The following ZFP28 variants were observed in gnomAD, a reference collection of about 807,000 sequenced individuals.
ZFP28 encodes ZFP28 zinc finger protein.
ZFP28 carries 31 observed loss-of-function variants against 39.5 expected under a neutral mutation model. The ratio of observed to expected loss-of-function variants is 0.79; its 90% CI spans 0.59 to 1.06. ZFP28 has a LOEUF of 1.06. Ranked by LOEUF, ZFP28 falls within the 50% of genes least tolerant of loss-of-function variation. ZFP28 has a pLI of 0.00. For missense variants in ZFP28, 925 were observed against 1,048.4 expected (o/e 0.88, Z 1.63); for synonymous variants, 400 against 378.6 (o/e 1.06, Z -0.66).
At position 56,554,567 on chromosome 19, in the gene ZFP28, C is replaced by T. The variant is rs61734808; in HGVS notation, c.1782C>T (p.Cys594=). ...SGEKPFKCKE[C]GKAFRQNIHL... ...AAAAGCCTTTTAAGTGTAAAGAGTG[C>T]GGAAAAGCTTTTAGGCAGAATATAC... The change falls in exon 8 of 8, where the codon TGC becomes TGT. Residue 594 remains cysteine (C), a synonymous_variant. Coordinates refer to ENST00000301318, the MANE Select transcript of ZFP28 (RefSeq NM_020828.2). The surrounding 1 kb of genome is among the most constrained non-coding windows in gnomAD (Gnocchi z 6.7). 3,135 of 1,614,038 alleles carry T rather than the reference C, an allele frequency of 1.9e-3. 4 individuals carry two copies. The highest frequency in any genetic ancestry group is 2.4e-3 in the Non-Finnish European group (2,787 of 1,180,002).
chr19:56,554,645 G>A lies in ZFP28; in HGVS notation c.1860G>A (p.Ala620=), dbSNP rs1209297860. 13 of 1,613,254 alleles carry A rather than the reference G, an allele frequency of 8.1e-6. No individual in the cohort carries two copies. The highest frequency in any genetic ancestry group is 1.7e-5 in the Admixed American group (1 of 59,980). ...CTGGGGAGAAGCCTTTTGAATGTGCGGAGTGTGGAAAATCCTTCAGCATCA... is the reference window on the plus strand; with the variant it reads ...CTGGGGAGAAGCCTTTTGAATGTGCAGAGTGTGGAAAATCCTTCAGCATCA... ...IHTGEKPFEC[A]ECGKSFSISS... is the part of the protein sequence containing the mutation. Residue 620 remains alanine (A), a synonymous_variant, in exon 8 of 8, where the codon GCG becomes GCA. Coordinates refer to ENST00000301318, the MANE Select transcript of ZFP28 (RefSeq NM_020828.2). This position sits in a 1 kb window ranked among gnomAD's most constrained non-coding sequence, Gnocchi z 6.7.
chr19:56,556,368 G>A lies in ZFP28; in HGVS notation c.*976G>A, dbSNP rs113415954. The A allele has an allele frequency of 3.5e-3, 528 of 152,332 alleles. 4 individuals are homozygous for A. Among genetic ancestry groups the A allele is most frequent in the African/African-American group, 0.012 (496 of 41,568 alleles). The allele number at this position is 152,332 out of a possible 1,614,324, so 9.4% of individuals were successfully genotyped here. ...GTGACAGGAGACCATGTGGCCTGCA[G>A]AGCCCAAATATCTACTGTCTGATCC... On this transcript the variant is annotated 3_prime_UTR_variant, in exon 8 of 8. Coordinates refer to ENST00000301318, the MANE Select transcript of ZFP28 (RefSeq NM_020828.2).
chr19:56,552,569 C>G (rs987303657), intron 7 of ZFP28: 9 of 152,088 alleles, frequency 5.9e-5, no homozygotes, highest in African/African-American at 2.2e-4. Context: ...GATATGAATG[C>G]TATTTTTTAA....
At chr19:56,539,296 G>A in intron 1 of ZFP28, 70 bp downstream of exon 1, 3 of 1,462,960 alleles carry the variant, frequency 2.1e-6, no homozygotes, top group Non-Finnish European at 2.7e-6. Context: ...TCTGGGAGGG[G>A]GTTGGGCTCT....
Position 56,550,575 on chromosome 19 carries a change from AAGCGAG to A in ZFP28, c.872_877del (p.Arg291_Glu292del). The A allele has an allele frequency of 6.2e-7, 1 of 1,614,138 alleles. No homozygotes were observed. Among genetic ancestry groups the A allele is most frequent in the Middle Eastern group, 1.7e-4 (1 of 6,024 alleles). On this transcript the variant is annotated inframe_deletion, in exon 7 of 8. Coordinates refer to ENST00000301318, the MANE Select transcript of ZFP28 (RefSeq NM_020828.2). ...GCAAGAGAAGGAGCCCTGGATGGTGAAGCGAGAGCTGACAGGAAGCCTGTTCTCAGG... is the reference window on the plus strand; with the variant it reads ...GCAAGAGAAGGAGCCCTGGATGGTGAAGCTGACAGGAAGCCTGTTCTCAGG...
intron 2 of ZFP28, among the ~76,000 whole-genome samples, chr19:56,541,449 C>T (rs2044194437): frequency 6.6e-6 from 1 of 152,148 alleles, no homozygotes; most frequent in African/African-American, 2.4e-5. Flanking sequence ...TGCTCACGCT[C>T]CCCACAGCCC....
intron 7 of ZFP28, chr19:56,551,393 A>AT (rs1208470083): frequency 4.1e-6 from 4 of 985,524 alleles, no homozygotes; most frequent in African/African-American, 3.5e-5. Context: ...ATAAACACAC[A>AT]TTTTTTCACA....
chr19:56,550,842 T>C, intron 7 of ZFP28: 1 of 1,464,514 alleles, frequency 6.8e-7, no homozygotes, highest in Non-Finnish European at 9.0e-7. Context: ...GGGACGTGTA[T>C]CATCCACTTG....
chr19:56,556,599 T>G lies in ZFP28; in HGVS notation c.*1207T>G, dbSNP rs15693. ...CAAAACTGCAAATATTTCCTATCCT[T>G]TAACAGAAAGTTTGCCAACCTCTGC... On this transcript the variant is annotated 3_prime_UTR_variant, in exon 8 of 8. Coordinates refer to ENST00000301318, the MANE Select transcript of ZFP28 (RefSeq NM_020828.2). 6.6e-6 allele frequency: 1 copy of G among 152,294 alleles called. No homozygotes were observed. The highest frequency in any genetic ancestry group is 1.9e-4 in the East Asian group (1 of 5,190). The allele number at this position is 152,294 out of a possible 1,614,324, so 9.4% of individuals were successfully genotyped here.
At chr19:56,549,893 A>G (rs779080990) in intron 5 of ZFP28, among the ~76,000 whole-genome samples, 174 bp from the exon 6 acceptor site, 2 of 152,150 alleles carry the variant, frequency 1.3e-5, no homozygotes, top group Non-Finnish European at 2.9e-5. Flanking sequence ...GTTTTTCCCC[A>G]AACATGTATG....
At chr19:56,545,661 T>C (rs550110552) in intron 2 of ZFP28, 5 of 152,260 alleles carry the variant, frequency 3.3e-5, no homozygotes, top group South Asian at 2.1e-4. Context: ...CTTGGAGACA[T>C]TGAGGACACA....
At position 56,551,912 on chromosome 19, in the gene ZFP28, T is replaced by G. The variant is rs759294745; in HGVS notation, c.898+1307T>G. 2.7e-5 allele frequency: 27 copies of G among 983,080 alleles called. No homozygotes were observed. The Middle Eastern group carries it at 1.6e-3, about 57-fold the overall frequency. The allele number at this position is 983,080 out of a possible 1,614,324, so 60.9% of individuals were successfully genotyped here. On this transcript the variant is annotated intron_variant, in intron 7 of 7. Coordinates refer to ENST00000301318, the MANE Select transcript of ZFP28 (RefSeq NM_020828.2). ...TCTGTGATATATTGTCTCAAACTAT[T>G]TTCACATATGGCAATAAGAGTTTTA...
At position 56,553,867 on chromosome 19, in the gene ZFP28, C is replaced by T. The variant is rs772883029; in HGVS notation, c.1082C>T (p.Pro361Leu). The T allele has an allele frequency of 9.3e-6, 15 of 1,614,060 alleles. No homozygotes were observed. The South Asian group carries it at 1.6e-4, about 18-fold the overall frequency. Residue 361 changes from proline to leucine, a missense_variant, in exon 8 of 8, where the codon CCA (proline) becomes CTA (leucine). By Grantham distance (98) the Pro-to-Leu change is moderately conservative. This residue lies in a region of ZFP28 where 556 missense variants were observed against 542.9 expected (regional missense o/e 1.02). Coordinates refer to ENST00000301318, the MANE Select transcript of ZFP28 (RefSeq NM_020828.2). ...CAAGAGACACAATTCAGGCAAGAGC[C>T]AATTACTCATAACAAAACCCTCTCT... is the stretch of plus-strand genomic sequence containing the variant. ...VGQETQFRQE[P>L]ITHNKTLSKE...
intron 2 of ZFP28, chr19:56,546,594 TTACA>T (rs1362768432): frequency 2.6e-5 from 4 of 152,210 alleles, no homozygotes; most frequent in East Asian, 1.9e-4. Context: ...TTCATTCTTA[TTACA>T]TATTCATTTT....
At chr19:56,545,361 C>A (rs545698331) in intron 2 of ZFP28, among the ~76,000 whole-genome samples, 51 of 152,342 alleles carry the variant, frequency 3.3e-4, no homozygotes, top group African/African-American at 1.2e-3. Flanking sequence ...AATTCAGTTA[C>A]AAATGTCCTT....
Position 56,550,837 on chromosome 19 carries a change from G to A in ZFP28, c.898+232G>A, listed in dbSNP as rs188773240. 785 of 1,471,996 alleles carry A rather than the reference G, an allele frequency of 5.3e-4. 2 individuals are homozygous for A. In the African/African-American group the frequency reaches 9.2e-3, roughly 17 times the overall value. 91.2% of individuals were successfully genotyped at this position (1,471,996 alleles called of 1,614,324 possible). A position where few individuals can be genotyped will look rare whatever the true frequency, so the allele number is the denominator to read the frequency against. On this transcript the variant is annotated intron_variant, in intron 7 of 7. Transcript: ENST00000301318. ...TCCTTCTTTTCTTGGCCACTGGGAC[G>A]TGTATCATCCACTTGCTTCCTTAAA...
chr19:56,553,873 C>T lies in ZFP28; in HGVS notation c.1088C>T (p.Thr363Ile), dbSNP rs1481923369. ...QETQFRQEPITHNKTLSKERE... is the reference protein window; with the variant it reads ...QETQFRQEPIIHNKTLSKERE... ...ACACAATTCAGGCAAGAGCCAATTA[C>T]TCATAACAAAACCCTCTCTAAGGAA... The change falls in exon 8 of 8, where the codon ACT (threonine) becomes ATT (isoleucine). Residue 363 changes from threonine to isoleucine, a missense_variant. Physicochemically the swap from Thr to Ile is moderately conservative, Grantham distance 89. This residue lies in a region of ZFP28 where 556 missense variants were observed against 542.9 expected (regional missense o/e 1.02). Coordinates refer to ENST00000301318, the MANE Select transcript of ZFP28 (RefSeq NM_020828.2). The T allele has an allele frequency of 6.2e-7, 1 of 1,613,964 alleles. No individual in the cohort carries two copies. The highest frequency in any genetic ancestry group is 1.3e-5 in the African/African-American group (1 of 74,888).
At chr19:56,539,265 C>T (rs757069015) in intron 1 of ZFP28, 39 bp downstream of exon 1, 3 of 1,545,634 alleles carry the variant, frequency 1.9e-6, no homozygotes, top group Non-Finnish European at 2.6e-6. Flanking sequence ...CGGACAGGGA[C>T]GAATTCATCT....
In ZFP28 at chr19:56,554,407, C is replaced by T. The variant is rs1190330560; in HGVS notation, c.1622C>T (p.Ser541Phe). ...TACAAATGTGATGTATGTCACAAAT[C>T]CTTCAGGTATGGTTCCTCCCTTACT... ...KPYKCDVCHKSFRYGSSLTVH... is the reference protein window; with the variant it reads ...KPYKCDVCHKFFRYGSSLTVH... The change falls in exon 8 of 8, where the codon TCC (serine) becomes TTC (phenylalanine). Residue 541 changes from serine to phenylalanine, a missense_variant. This residue lies in a region of ZFP28 where 369 missense variants were observed against 505.5 expected (regional missense o/e 0.73). Transcript: ENST00000301318. This position sits in a 1 kb window ranked among gnomAD's most constrained non-coding sequence, Gnocchi z 6.7. 1 of 1,614,128 alleles carries T rather than the reference C, an allele frequency of 6.2e-7. No homozygotes were observed. The highest frequency in any genetic ancestry group is 8.5e-7 in the Non-Finnish European group (1 of 1,180,032).
Sources: gnomAD v4.1 joint callset for allele counts (sites outside exome capture counted in the v4.1 genomes callset) on GRCh38, gnomAD v4.1.1 for gene constraint, gnomAD v4.1.1 regional missense constraint, Gnocchi (gnomAD v3.1) non-coding constraint, MANE v1.5 for transcripts, NCBI Gene and HGNC (gene_info 2026-07-23, HGNC 2026-07-21) for gene names.